Variants in COPG2 observed in about 807,000 individuals in gnomAD.
The protein encoded by COPG2 is coat protein complex I subunit gamma 2.
Under a neutral mutation model 46.3 loss-of-function variants are expected in COPG2, and 37 were observed. That is an observed-to-expected ratio of 0.80 (90% CI 0.61 to 1.05). The LOEUF (loss-of-function observed/expected upper bound fraction) is 1.05, where lower values mean the gene tolerates loss of function less well. Ranked by LOEUF, COPG2 falls within the 50% of genes least tolerant of loss-of-function variation. The pLI, the probability that COPG2 is intolerant of heterozygous loss-of-function variation, is 0.00. For missense variants in COPG2, 427 were observed against 387.8 expected (o/e 1.10, Z -0.85); for synonymous variants, 159 against 129.7 (o/e 1.23, Z -1.53).
At chr7:130,520,283 T>C (rs1307206549) in intron 20 of COPG2, among the ~76,000 whole-genome samples, 2 of 152,066 alleles carry the variant, frequency 1.3e-5, no homozygotes, top group Admixed American at 1.3e-4. Context: ...AATGTTAGGA[T>C]TGGCTGAAAG....
chr7:130,633,443 G>A (rs2116173913), intron 5 of COPG2, among the ~76,000 whole-genome samples: 1 of 152,310 alleles, frequency 6.6e-6, no homozygotes, highest in East Asian at 1.9e-4. Context: ...CACTCTAAGT[G>A]GCATGAGATG....
At chr7:130,625,479 T>C (rs1372348905) in intron 5 of COPG2, among the ~76,000 whole-genome samples, 2 of 152,092 alleles carry the variant, frequency 1.3e-5, no homozygotes, top group Non-Finnish European at 1.5e-5. Context: ...GTTCCTGATC[T>C]TAGTGGAAAT....
chr7:130,638,673 G>A (rs1031485725), intron 5 of COPG2, among the ~76,000 whole-genome samples: 8 of 152,110 alleles, frequency 5.3e-5, no homozygotes, highest in South Asian at 2.1e-4. Flanking sequence ...CTCCGTGGGG[G>A]TGGGATCCAC....
intron 5 of COPG2, among the ~76,000 whole-genome samples, chr7:130,646,986 T>C (rs531980879): frequency 0.04 from 34 of 842 alleles, no homozygotes; most frequent in South Asian, 0.25. Context: ...TATATATGTA[T>C]ATATATATAT....
chr7:130,618,156 T>G (rs1794981801), intron 5 of COPG2, among the ~76,000 whole-genome samples: 1 of 144,414 alleles, frequency 6.9e-6, no homozygotes, highest in South Asian at 2.3e-4. Flanking sequence ...TAAAAAATTT[T>G]GTAGCGTGGG....
At chr7:130,636,664 G>A (rs781911197) in intron 5 of COPG2, among the ~76,000 whole-genome samples, 2 of 148,754 alleles carry the variant, frequency 1.3e-5, no homozygotes, top group Non-Finnish European at 3.0e-5. Context: ...AATGGATCTT[G>A]ACTCCTTATC....
At chr7:130,587,953 A>C (rs539331516) in intron 9 of COPG2, among the ~76,000 whole-genome samples, 34 of 152,344 alleles carry the variant, frequency 2.2e-4, no homozygotes, top group African/African-American at 7.7e-4. Flanking sequence ...ACAAGAAAAA[A>C]AAACAAACAA....
intron 5 of COPG2, among the ~76,000 whole-genome samples, chr7:130,650,096 C>G (rs774221186): frequency 6.6e-6 from 1 of 152,140 alleles, no homozygotes; most frequent in Non-Finnish European, 1.5e-5. Context: ...CCTCTTCCCC[C>G]ATCTCCAAAT....
Position 130,513,306 on chromosome 7 carries a change from AAAATATATATATATATAT to A in COPG2, c.2150-4665_2150-4648del, listed in dbSNP as rs1441152984. On this transcript the variant is annotated intron_variant, in intron 20 of 23. Transcript: ENST00000425248. Reference sequence around the variant, plus strand: ...AATTCTGTCTAAAAAAAAAAAAAAAAAAATATATATATATATATATATATATATATATATATGTGTGTG... The same window carrying A: ...AATTCTGTCTAAAAAAAAAAAAAAAAATATATATATATATATATGTGTGTG... Among the ~76,000 whole-genome samples, 128 of 49,000 alleles carry A rather than the reference AAAATATATATATATATAT, an allele frequency of 2.6e-3. 1 individual carries two copies. Among genetic ancestry groups the A allele is most frequent in the East Asian group, 6.0e-3 (10 of 1,672 alleles). 32.1% of individuals were successfully genotyped at this position (49,000 alleles called of 152,430 possible). A position where few individuals can be genotyped will look rare whatever the true frequency, so the allele number is the denominator to read the frequency against.
At chr7:130,627,788 C>T (rs1328285416) in intron 5 of COPG2, among the ~76,000 whole-genome samples, 3 of 21,254 alleles carry the variant, frequency 1.4e-4, no homozygotes, top group Admixed American at 4.8e-4. Flanking sequence ...GGGTGTGGTT[C>T]GGGGGGCGGG....
chr7:130,532,821 G>A (rs1425653972), intron 20 of COPG2, among the ~76,000 whole-genome samples: 1 of 152,174 alleles, frequency 6.6e-6, no homozygotes, highest in Non-Finnish European at 1.5e-5. Context: ...GTGACGCAGA[G>A]ATGACTGCAT....
intron 5 of COPG2, among the ~76,000 whole-genome samples, chr7:130,635,853 T>C (rs543913649): frequency 1.3e-5 from 2 of 152,340 alleles, no homozygotes; most frequent in South Asian, 4.1e-4. Context: ...TGCTATAAAT[T>C]TCCCTCTAAA....
chr7:130,631,014 TA>T (rs1221036900), intron 5 of COPG2, among the ~76,000 whole-genome samples: 8 of 151,926 alleles, frequency 5.3e-5, no homozygotes, highest in African/African-American at 7.3e-5. Context: ...CCCCATCTCT[TA>T]AAAAAAATCC....
intron 6 of COPG2, among the ~76,000 whole-genome samples, chr7:130,615,844 C>T (rs1312377615): frequency 1.3e-5 from 2 of 152,198 alleles, no homozygotes; most frequent in Non-Finnish European, 2.9e-5. Flanking sequence ...TAGGGAAGTG[C>T]TGAGCCACCT....
chr7:130,626,858 C>T (rs1795129899), intron 5 of COPG2, among the ~76,000 whole-genome samples: 1 of 151,988 alleles, frequency 6.6e-6, no homozygotes, highest in Non-Finnish European at 1.5e-5. Flanking sequence ...ATTACATTTG[C>T]CCTTTTATGT....
chr7:130,589,551 C>G (rs899190809), intron 9 of COPG2, among the ~76,000 whole-genome samples: 5 of 152,288 alleles, frequency 3.3e-5, no homozygotes, highest in African/African-American at 1.2e-4. Context: ...TCCCCAGTAG[C>G]TGGAACTACA....
intron 20 of COPG2, among the ~76,000 whole-genome samples, chr7:130,532,916 T>C (rs1799843046): frequency 6.6e-6 from 1 of 152,138 alleles, no homozygotes; most frequent in East Asian, 1.9e-4. Flanking sequence ...GAATCACAGA[T>C]CGTGCTGAGA....
chr7:130,609,423 C>T (rs1399847156), intron 9 of COPG2, among the ~76,000 whole-genome samples: 5 of 152,148 alleles, frequency 3.3e-5, no homozygotes, highest in South Asian at 2.1e-4. Context: ...CCATTCAAGA[C>T]GTGACTTGTT....
chr7:130,576,313 T>G (rs554612702), intron 9 of COPG2, among the ~76,000 whole-genome samples: 34 of 152,346 alleles, frequency 2.2e-4, no homozygotes, highest in African/African-American at 6.5e-4. Context: ...GGCCATATGA[T>G]AGGCCATAAA....
Sources: allele counts gnomAD v4.1 joint callset (sites outside exome capture counted in the v4.1 genomes callset), GRCh38; gene constraint gnomAD v4.1.1; transcripts MANE v1.5; gene names NCBI Gene and HGNC (gene_info 2026-07-23, HGNC 2026-07-21).